The following ZNF91 variants were observed in gnomAD, a reference collection of about 807,000 sequenced individuals.
ZNF91 encodes zinc finger protein 91, also known as zinc finger protein 91 (HPF7, HTF10).
Under a neutral mutation model 12.6 loss-of-function variants are expected in ZNF91, and 7 were observed. The ratio of observed to expected loss-of-function variants is 0.55; its 90% confidence interval spans 0.31 to 1.04. The LOEUF (loss-of-function observed/expected upper bound fraction) is 1.04, where lower values mean the gene tolerates loss of function less well. ZNF91 is among the 50% of genes least tolerant of loss of function. The pLI, the probability that ZNF91 is intolerant of heterozygous loss-of-function variation, is 0.05. For missense variants in ZNF91, 1,217 were observed against 1,385.4 expected (o/e 0.88, Z 1.93); for synonymous variants, 453 against 462.6 (o/e 0.98, Z 0.27).
intron 1 of ZNF91, among the ~76,000 whole-genome samples, chr19:23,378,361 A>C (rs1479444204): frequency 1.3e-5 from 2 of 152,208 alleles, no homozygotes; most frequent in African/African-American, 2.4e-5. Flanking sequence ...GAATCTAAAC[A>C]GGGCTGAAGC....
At chr19:23,329,863 G>T (rs17473980) in intron 1 of ZNF91, among the ~76,000 whole-genome samples, 28,646 of 152,116 alleles carry the variant, frequency 0.19, 2,921 homozygotes, top group Non-Finnish European at 0.21. Flanking sequence ...GAGACAGCAT[G>T]CAATCTGACC....
downstream of ZNF91, among the ~76,000 whole-genome samples, chr19:23,355,782 C>T (rs1968470331): frequency 6.6e-6 from 1 of 151,948 alleles, no homozygotes; most frequent in Non-Finnish European, 1.5e-5. Flanking sequence ...CCAGAATCTA[C>T]AACAAACTCA....
At chr19:23,319,972 T>A (rs1967652457) in intron 1 of ZNF91, among the ~76,000 whole-genome samples, 1 of 152,134 alleles carries the variant, frequency 6.6e-6, no homozygotes, top group Admixed American at 6.5e-5. Context: ...CTCTCTTGCA[T>A]GTTGTATAAA....
In ZNF91 at chr19:23,362,421, T is replaced by G; in HGVS notation, c.558A>C (p.Lys186Asn). 5 of 1,613,976 alleles carry G rather than the reference T, an allele frequency of 3.1e-6. No homozygotes were observed. Among genetic ancestry groups the G allele is most frequent in the Non-Finnish European group, 4.2e-6 (5 of 1,179,968 alleles). ...AACGGATGCAAAATGACTTGACACA[T>G]TTTTTACATTTGAAGCATTTCTTTC... Reference protein sequence around the residue: ...HTGKKCFKCKKCVKSFCIRLH... With the variant: ...HTGKKCFKCKNCVKSFCIRLH... The change falls in exon 4 of 4, where the codon AAA (lysine) becomes AAC (asparagine). Residue 186 changes from lysine to asparagine, a missense_variant. By Grantham distance (94) the Lys-to-Asn change is moderately conservative. This residue lies in a region of ZNF91 where 726 missense variants were observed against 895.5 expected (regional missense o/e 0.81). Coordinates refer to ENST00000300619, the MANE Select transcript of ZNF91 (RefSeq NM_003430.4).
chr19:23,361,312 T>A lies in ZNF91; in HGVS notation c.1667A>T (p.Lys556Met). ...YKCKECGKAFKQFSTLTTHKI... is the reference protein window; with the variant it reads ...YKCKECGKAFMQFSTLTTHKI... ...ATGTGTAGTAAGGGTTGAGAATTGCTTAAAAGCTTTGCCACATTCTTTACA... is the reference window on the plus strand; with the variant it reads ...ATGTGTAGTAAGGGTTGAGAATTGCATAAAAGCTTTGCCACATTCTTTACA... The change falls in exon 4 of 4, where the codon AAG becomes ATG. Residue 556 changes from lysine (K) to methionine (M), a missense_variant. Physicochemically the swap from Lys to Met is moderately conservative, Grantham distance 95. Transcript: ENST00000300619. The A allele has an allele frequency of 1.9e-6, 3 of 1,605,634 alleles. No homozygotes were observed. Among genetic ancestry groups the A allele is most frequent in the Non-Finnish European group, 2.5e-6 (3 of 1,176,828 alleles).
chr19:23,313,406 C>T (rs1967501906), upstream of ZNF91, among the ~76,000 whole-genome samples: 1 of 152,216 alleles, frequency 6.6e-6, no homozygotes, highest in Non-Finnish European at 1.5e-5. Context: ...ACTAACCCAG[C>T]ACCTAGCTGA....
intron 1 of ZNF91, among the ~76,000 whole-genome samples, chr19:23,382,701 A>T (rs545502100): frequency 9.8e-5 from 15 of 152,346 alleles, no homozygotes; most frequent in African/African-American, 3.1e-4. Context: ...GACCCCACAA[A>T]AACATCTTGA....
upstream of ZNF91, among the ~76,000 whole-genome samples, chr19:23,313,797 T>C (rs907827648): frequency 5.9e-5 from 9 of 152,208 alleles, no homozygotes; most frequent in African/African-American, 1.9e-4. Context: ...AATCTCAGAC[T>C]ATGATTCCAT....
At chr19:23,370,427 T>C (rs189888984) in intron 3 of ZNF91, among the ~76,000 whole-genome samples, 81 of 152,372 alleles carry the variant, frequency 5.3e-4, no homozygotes, top group African/African-American at 1.9e-3. Flanking sequence ...GGGCATTTCA[T>C]TTTAATTTTG....
Position 23,360,987 on chromosome 19 carries a change from G to A in ZNF91, c.1992C>T (p.Gly664=), listed in dbSNP as rs1968721194. ...GGGTTGAGGAATTGCTAAAAGCTTT[G>A]CCACATTCTTTACATTTGTAGGGTT... The part of the protein sequence containing the change: ...GEKPYKCKEC[G]KAFSNSSTLA... Residue 664 remains glycine, a synonymous_variant, in exon 4 of 4, where the codon GGC becomes GGT. Coordinates refer to ENST00000300619, the MANE Select transcript of ZNF91 (RefSeq NM_003430.4). The A allele has an allele frequency of 1.2e-6, 2 of 1,606,858 alleles. No homozygotes were observed.
chr19:23,376,453 G>A (rs55807376), intron 1 of ZNF91, among the ~76,000 whole-genome samples: 15,616 of 150,880 alleles, frequency 0.1, 1,240 homozygotes, highest in East Asian at 0.37. Flanking sequence ...GGAATGGCAC[G>A]ATCTCGGCTC....
intron 1 of ZNF91, among the ~76,000 whole-genome samples, chr19:23,323,383 CCTA>C (rs1236415093): frequency 4.2e-5 from 6 of 143,470 alleles, no homozygotes; most frequent in Non-Finnish European, 7.6e-5. Context: ...TCCTCTTCCT[CCTA>C]CTCTCTTCCC....
chr19:23,353,843 T>C (rs1026623474), downstream of ZNF91, among the ~76,000 whole-genome samples: 3 of 151,908 alleles, frequency 2.0e-5, no homozygotes, highest in Admixed American at 1.3e-4. Flanking sequence ...CTAGAAAACC[T>C]AGAAGAGATG....
chr19:23,368,551 T>TA (rs1568391204), intron 3 of ZNF91, among the ~76,000 whole-genome samples: 1 of 145,384 alleles, frequency 6.9e-6, no homozygotes, highest in African/African-American at 2.6e-5. Context: ...TCTCTCTCTC[T>TA]CTCTCTCTCT....
At position 23,362,318 on chromosome 19, in the gene ZNF91, A is replaced by C; in HGVS notation, c.661T>G (p.Trp221Gly). 6.2e-7 allele frequency: 1 copy of C among 1,613,588 alleles called. No individual in the cohort carries two copies. Among genetic ancestry groups the C allele is most frequent in the Non-Finnish European group, 8.5e-7 (1 of 1,179,820 alleles). ...KCKECEKTFH[W>G]SSTLTNHKEI... ...TTATGATTAGTAAGGGTTGAGGACCAATGAAAGGTTTTTTCACATTCTTTA... is the reference window on the plus strand; with the variant it reads ...TTATGATTAGTAAGGGTTGAGGACCCATGAAAGGTTTTTTCACATTCTTTA... Residue 221 changes from tryptophan to glycine, a missense_variant, in exon 4 of 4, where the codon TGG becomes GGG. Around this residue, in one of 2 missense-constraint regions of ZNF91, gnomAD observed 726 missense variants for 895.5 expected, o/e 0.81. Coordinates refer to ENST00000300619, the MANE Select transcript of ZNF91 (RefSeq NM_003430.4).
intron 1 of ZNF91, among the ~76,000 whole-genome samples, chr19:23,389,466 G>C (rs1969991368): frequency 6.6e-6 from 1 of 151,916 alleles, no homozygotes; most frequent in Admixed American, 6.6e-5. Flanking sequence ...GTGGTTCCCT[G>C]TCCTGGGAGA....
At chr19:23,382,937 T>C (rs1969768647) in intron 1 of ZNF91, among the ~76,000 whole-genome samples, 1 of 152,230 alleles carries the variant, frequency 6.6e-6, no homozygotes, top group African/African-American at 2.4e-5. Context: ...GTGCTGGTAT[T>C]ATTTCTACTA....
At chr19:23,372,828 G>C (rs10415339) in intron 3 of ZNF91, among the ~76,000 whole-genome samples, 70,992 of 151,928 alleles carry the variant, frequency 0.47, 17,403 homozygotes, top group East Asian at 0.82. Flanking sequence ...CCAAAGTAAC[G>C]TGGGAAAATC....
exon 2 of ZNF91, chr19:23,308,969 T>G (rs961159842): frequency 1.3e-5 from 2 of 152,112 alleles, no homozygotes; most frequent in African/African-American, 4.8e-5. Context: ...CTGCAGACAT[T>G]GTGATATATT....
Sources: gnomAD v4.1 joint callset for allele counts (sites outside exome capture counted in the v4.1 genomes callset) on GRCh38, gnomAD v4.1.1 for gene constraint, gnomAD v4.1.1 regional missense constraint, MANE v1.5 for transcripts, NCBI Gene and HGNC (gene_info 2026-07-23, HGNC 2026-07-21) for gene names.